The following RBFOX1 variants were observed in gnomAD, a reference collection of about 807,000 sequenced individuals.
The protein encoded by RBFOX1 is RNA binding protein fox-1 homolog 1.
A neutral mutation model predicts 57.7 loss-of-function variants in RBFOX1; 8 were observed. The ratio of observed to expected loss-of-function variants is 0.14; its 90% CI spans 0.08 to 0.25. The LOEUF (loss-of-function observed/expected upper bound fraction) is 0.25, where lower values mean the gene tolerates loss of function less well. Ranked by LOEUF, RBFOX1 falls within the 10% of genes least tolerant of loss-of-function variation. RBFOX1 has a pLI of 1.00. For missense variants in RBFOX1, 611 were observed against 548.5 expected (o/e 1.11, Z -1.14); for synonymous variants, 326 against 222.4 (o/e 1.47, Z -4.15).
chr16:7,456,111 C>G (rs560389341), intron 4 of RBFOX1, among the ~76,000 whole-genome samples: 1 of 152,196 alleles, frequency 6.6e-6, no homozygotes, highest in African/African-American at 2.4e-5. Context: ...AGCGTTCCTA[C>G]ATTGCCCTTT....
intron 4 of RBFOX1, among the ~76,000 whole-genome samples, chr16:7,357,108 A>G (rs922744148): frequency 6.6e-6 from 1 of 152,152 alleles, no homozygotes; most frequent in African/African-American, 2.4e-5. Context: ...TGTCATGACC[A>G]GAGATGGGAG....
rs548073208 is a variant in RBFOX1, at chr16:7,603,096, T to G, written c.623-4189T>G. Among the ~76,000 whole-genome samples, 10 of 152,242 alleles carry G rather than the reference T, an allele frequency of 6.6e-5. No homozygotes were observed. The East Asian group carries it at 1.9e-3, about 29-fold the overall frequency. ...AAAGCAGTGCTAATCAAAAAGTGTA[T>G]AGTAATAAACGCCTACATCAAAAAA... On this transcript the variant is annotated intron_variant, in intron 9 of 15. Coordinates refer to ENST00000550418, the MANE Select transcript of RBFOX1 (RefSeq NM_018723.4).
chr16:5,352,523 C>G (rs934296408), intron 1 of RBFOX1, among the ~76,000 whole-genome samples: 8 of 152,156 alleles, frequency 5.3e-5, no homozygotes, highest in Admixed American at 4.6e-4. Flanking sequence ...TTTATTGAAC[C>G]CATTTGAGAG....
chr16:5,673,866 C>T (rs1030737763), intron 3 of RBFOX1, among the ~76,000 whole-genome samples: 4 of 152,190 alleles, frequency 2.6e-5, no homozygotes, highest in African/African-American at 9.7e-5. Context: ...TAGCATTTTG[C>T]CTGCATCATC....
chr16:6,904,859 G>C (rs1395002968), intron 3 of RBFOX1, among the ~76,000 whole-genome samples: 1 of 152,022 alleles, frequency 6.6e-6, no homozygotes, highest in Non-Finnish European at 1.5e-5. Context: ...GTTCTGCGTT[G>C]GGTGAAGTTT....
intron 3 of RBFOX1, among the ~76,000 whole-genome samples, chr16:6,666,540 C>CAAAAAAAAAAAA (rs35935992): frequency 1.2e-5 from 1 of 81,464 alleles, no homozygotes; most frequent in Non-Finnish European, 2.7e-5. Flanking sequence ...ACTCTGTCTC[C>CAAAAAAAAAAAA]AAAAAAAAAA....
At chr16:5,856,165 C>T (rs1482091369) in intron 3 of RBFOX1, among the ~76,000 whole-genome samples, 1 of 57,840 alleles carries the variant, frequency 1.7e-5, no homozygotes, top group East Asian at 4.0e-4. Context: ...CTCTCTCTCT[C>T]TCTCTCTCTC....
chr16:7,135,295 A>G (rs7191596), intron 4 of RBFOX1, among the ~76,000 whole-genome samples: 3,989 of 152,300 alleles, frequency 0.026, 181 homozygotes, highest in African/African-American at 0.091. Flanking sequence ...ACAGAGGCTT[A>G]GAGAGACTCC....
intron 2 of RBFOX1, among the ~76,000 whole-genome samples, chr16:6,432,604 C>T (rs2094130476): frequency 6.6e-6 from 1 of 151,346 alleles, no homozygotes; most frequent in African/African-American, 2.4e-5. Context: ...ATTGCCTGAA[C>T]CCAGGAGGCG....
In RBFOX1 at chr16:7,650,601, A is replaced by G. The variant is rs553151854; in HGVS notation, c.758-3214A>G. On this transcript the variant is annotated intron_variant, in intron 11 of 15. Coordinates refer to ENST00000550418, the MANE Select transcript of RBFOX1 (RefSeq NM_018723.4). Reference sequence around the variant, plus strand: ...TCTTGCCAAGCTTCTGTTTCATGTTATATCTCAACATCTAAATCCTCCAAG... The same window carrying G: ...TCTTGCCAAGCTTCTGTTTCATGTTGTATCTCAACATCTAAATCCTCCAAG... 5.3e-5 allele frequency among the ~76,000 whole-genome samples: 8 copies of G among 152,196 alleles called. No homozygotes were observed. In the South Asian group the frequency reaches 1.5e-3, roughly 28 times the overall value.
At chr16:6,658,746 T>C (rs1046948062) in intron 3 of RBFOX1, among the ~76,000 whole-genome samples, 1 of 152,038 alleles carries the variant, frequency 6.6e-6, no homozygotes, top group Non-Finnish European at 1.5e-5. Flanking sequence ...TGGCTTTATG[T>C]TTTTCTTTCG....
intron 4 of RBFOX1, among the ~76,000 whole-genome samples, chr16:6,002,293 G>T (rs1316334830): frequency 6.6e-6 from 1 of 152,106 alleles, no homozygotes; most frequent in Non-Finnish European, 1.5e-5. Flanking sequence ...TTCAACTTAC[G>T]ATTGTGTCTC....
At chr16:6,286,081 G>C (rs187709295) in intron 1 of RBFOX1, among the ~76,000 whole-genome samples, 114 of 152,158 alleles carry the variant, frequency 7.5e-4, no homozygotes, top group Non-Finnish European at 1.2e-3. Flanking sequence ...AAATGTTCAC[G>C]TATGGCCCTC....
intron 3 of RBFOX1, among the ~76,000 whole-genome samples, chr16:6,801,868 A>C (rs12920662): frequency 0.17 from 25,526 of 152,018 alleles, 2,277 homozygotes; most frequent in Non-Finnish European, 0.19. Context: ...CTGAAGACCT[A>C]AGTGGTTCAT....
intron 3 of RBFOX1, among the ~76,000 whole-genome samples, chr16:6,831,695 T>A (rs1248394771): frequency 6.6e-6 from 1 of 152,228 alleles, no homozygotes; most frequent in Non-Finnish European, 1.5e-5. Flanking sequence ...CTATTATTTT[T>A]AACTCTTTGC....
intron 2 of RBFOX1, among the ~76,000 whole-genome samples, chr16:6,531,140 T>A (rs2096652527): frequency 6.6e-6 from 1 of 152,192 alleles, no homozygotes; most frequent in Admixed American, 6.5e-5. Context: ...AGTAGTAGGA[T>A]CCAGGTTGTT....
At chr16:5,348,541 C>G (rs1455533681) in intron 1 of RBFOX1, among the ~76,000 whole-genome samples, 1 of 152,166 alleles carries the variant, frequency 6.6e-6, no homozygotes, top group African/African-American at 2.4e-5. Flanking sequence ...GTGGAGGAGC[C>G]TGGGTTCAAA....
chr16:6,775,124 G>C (rs764603321), intron 3 of RBFOX1, among the ~76,000 whole-genome samples: 1 of 147,738 alleles, frequency 6.8e-6, no homozygotes, highest in African/African-American at 2.5e-5. Context: ...AGGAGATCCA[G>C]ACCATCCTGG....
At chr16:5,332,721 A>G (rs972101947) in intron 1 of RBFOX1, among the ~76,000 whole-genome samples, 7 of 151,674 alleles carry the variant, frequency 4.6e-5, no homozygotes, top group African/African-American at 1.7e-4. Context: ...TTTTATTACC[A>G]TGTGTAGATA....
Sources: allele counts gnomAD v4.1 joint callset (sites outside exome capture counted in the v4.1 genomes callset), GRCh38; gene constraint gnomAD v4.1.1; transcripts MANE v1.5; gene names NCBI Gene and HGNC (gene_info 2026-07-23, HGNC 2026-07-21).